Variants in DOCK7 observed in about 807,000 individuals in gnomAD.
The protein encoded by DOCK7 is dedicator of cytokinesis protein 7.
A neutral mutation model predicts 271.0 loss-of-function variants in DOCK7; 138 were observed. The ratio of observed to expected loss-of-function variants is 0.51; its 90% CI spans 0.44 to 0.59. The LOEUF (loss-of-function observed/expected upper bound fraction) is 0.59. DOCK7 is among the 20% of genes least tolerant of loss of function. The pLI is 0.00. For missense variants in DOCK7, 2,066 were observed against 2,592.4 expected (o/e 0.80, Z 4.41); for synonymous variants, 823 against 876.1 (o/e 0.94, Z 1.07).
intron 15 of DOCK7, chr1:62,584,554 C>A: frequency 8.6e-7 from 1 of 1,166,322 alleles, no homozygotes; most frequent in Non-Finnish European, 1.1e-6. Flanking sequence ...GAGAAGCTAT[C>A]ACTTTTCACA....
chr1:62,596,706 G>A (rs980517317), intron 14 of DOCK7, among the ~76,000 whole-genome samples: 1 of 151,930 alleles, frequency 6.6e-6, no homozygotes, highest in Admixed American at 6.6e-5. Context: ...TTGTTACTAA[G>A]CTAACAAACT....
intron 4 of DOCK7, among the ~76,000 whole-genome samples, chr1:62,652,656 T>C (rs1657529666): frequency 6.6e-6 from 1 of 152,192 alleles, no homozygotes; most frequent in Admixed American, 6.5e-5. Context: ...CAGATTTCCA[T>C]GATTCTGAGG....
At chr1:62,598,046 A>C (rs1260449227) in intron 14 of DOCK7, 2 of 1,586,056 alleles carry the variant, frequency 1.3e-6, no homozygotes, top group Non-Finnish European at 1.7e-6. Context: ...AACACCCAGA[A>C]GTAACTTCAC....
intron 14 of DOCK7, among the ~76,000 whole-genome samples, chr1:62,617,829 T>C (rs978543347): frequency 3.9e-5 from 6 of 152,132 alleles, no homozygotes; most frequent in African/African-American, 4.8e-5. Flanking sequence ...AGACTAGAAT[T>C]TTTAAAAGGT....
In DOCK7 at chr1:62,555,871, A is replaced by G. The variant is rs752977630; in HGVS notation, c.2550T>C (p.His850=). The part of the protein sequence containing the change: ...GRNSLLASYI[H]YVFRLPNTYP... ...AAGTATTTGGTAGGCGGAAAACATA[A>G]TGAATATATGATGCAAGAAGGCTGT... is the stretch of plus-strand genomic sequence containing the variant. The change falls in exon 21 of 50, where the codon CAT becomes CAC. Residue 850 remains histidine (H), a synonymous_variant. Coordinates refer to ENST00000635253, the MANE Select transcript of DOCK7 (RefSeq NM_001367561.1). The G allele has an allele frequency of 1.2e-6, 2 of 1,613,610 alleles. No individual in the cohort carries two copies. Among genetic ancestry groups the G allele is most frequent in the East Asian group, 4.5e-5 (2 of 44,842 alleles).
chr1:62,601,566 T>C (rs866667379), intron 14 of DOCK7, among the ~76,000 whole-genome samples: 6 of 151,744 alleles, frequency 4.0e-5, no homozygotes, highest in Admixed American at 6.6e-5. Flanking sequence ...AAAAAATAAT[T>C]AATTTTTTAA....
chr1:62,680,612 C>T (rs559508932), intron 1 of DOCK7, among the ~76,000 whole-genome samples: 62 of 151,990 alleles, frequency 4.1e-4, no homozygotes, highest in African/African-American at 7.7e-4. Context: ...ACCTACAAAA[C>T]GGGAGAAAAT....
At chr1:62,666,466 ACAAGAACCATTTC>A (rs1456457206) in intron 1 of DOCK7, among the ~76,000 whole-genome samples, 1 of 152,236 alleles carries the variant, frequency 6.6e-6, no homozygotes, top group Non-Finnish European at 1.5e-5. Context: ...TGATAATGCA[ACAAGAACCATTTC>A]CAAACTGAGC....
chr1:62,472,397 C>T (rs1390440572), intron 48 of DOCK7, among the ~76,000 whole-genome samples: 3 of 152,070 alleles, frequency 2.0e-5, no homozygotes, highest in South Asian at 2.1e-4. Flanking sequence ...GAGCCACTCA[C>T]GCCCCACCTG....
Position 62,519,776 on chromosome 1 carries a change from A to T in DOCK7, c.3937-5878T>A, listed in dbSNP as rs112290065. On this transcript the variant is annotated intron_variant, in intron 31 of 49. Transcript: ENST00000635253. ...TGAATAAATAAGATACACATTTTTT[A>T]AAAAAAATGCCTGTATAGCCAAGAC... Among the ~76,000 whole-genome samples the T allele has an allele frequency of 3.8e-3, 573 of 152,004 alleles. 2 individuals carry two copies. The highest frequency in any genetic ancestry group is 6.8e-3 in the East Asian group (35 of 5,132).
At position 62,561,703 on chromosome 1, in the gene DOCK7, C is replaced by A. The variant is rs1360070798; in HGVS notation, c.2113G>T (p.Val705Phe). ...PQAYSVLSPE[V>F]PLPGMKWVDN... ...ACCCATTTCATGCCAGGTAGAGGAACCTGTAAGATATTAAATATAATGATC... is the reference window on the plus strand; with the variant it reads ...ACCCATTTCATGCCAGGTAGAGGAAACTGTAAGATATTAAATATAATGATC... The change falls in exon 19 of 50, where the codon GTT becomes TTT. Residue 705 changes from valine (V) to phenylalanine (F), a missense_variant and splice_region_variant. Val to Phe is a conservative substitution (Grantham distance 50). Transcript: ENST00000635253. The A allele has an allele frequency of 1.3e-6, 2 of 1,543,874 alleles. No homozygotes were observed. The highest frequency in any genetic ancestry group is 2.4e-5 in the East Asian group (1 of 41,470).
intron 14 of DOCK7, among the ~76,000 whole-genome samples, chr1:62,613,956 A>C (rs910432098): frequency 6.6e-6 from 1 of 152,168 alleles, no homozygotes; most frequent in Non-Finnish European, 1.5e-5. Flanking sequence ...GGCTGCTATC[A>C]GAGTTAATAG....
chr1:62,642,276 T>C (rs1169361975), intron 7 of DOCK7, among the ~76,000 whole-genome samples: 1 of 151,922 alleles, frequency 6.6e-6, no homozygotes, highest in Non-Finnish European at 1.5e-5. Flanking sequence ...GCCCGGCTAA[T>C]TTTTTGTATT....
At chr1:62,499,644 C>G (rs1646722181) in intron 37 of DOCK7, among the ~76,000 whole-genome samples, 3 of 151,908 alleles carry the variant, frequency 2.0e-5, no homozygotes, top group Non-Finnish European at 4.4e-5. Context: ...GAGGCCAAGA[C>G]AGGAGAGCTG....
chr1:62,461,519 A>C (rs906745758), intron 48 of DOCK7, among the ~76,000 whole-genome samples: 1 of 151,262 alleles, frequency 6.6e-6, no homozygotes, highest in Non-Finnish European at 1.5e-5. Flanking sequence ...TGTCACTATA[A>C]AATTAGGTAT....
At chr1:62,599,102 G>A (rs1649733969) in intron 14 of DOCK7, among the ~76,000 whole-genome samples, 1 of 151,906 alleles carries the variant, frequency 6.6e-6, no homozygotes, top group Non-Finnish European at 1.5e-5. Context: ...TTAATTCATA[G>A]CAGCCAATGT....
intron 18 of DOCK7, among the ~76,000 whole-genome samples, chr1:62,568,881 T>C (rs62504181): frequency 6.8e-6 from 1 of 147,686 alleles, no homozygotes; most frequent in Non-Finnish European, 1.5e-5. Flanking sequence ...AAGAATCAAA[T>C]AGACACAATA....
intron 14 of DOCK7, chr1:62,601,325 G>A: frequency 1.4e-6 from 1 of 694,820 alleles, no homozygotes; most frequent in South Asian, 1.7e-5. Flanking sequence ...TAAACTGGAT[G>A]CTGGGGTTCT....
At chr1:62,535,385 G>C (rs952778373) in intron 29 of DOCK7, 108 bp downstream of exon 29, 17 of 872,898 alleles carry the variant, frequency 1.9e-5, no homozygotes, top group South Asian at 4.7e-5. Context: ...AGTAGAAAAA[G>C]AGTGTGAAAG....
Sources: allele counts gnomAD v4.1 joint callset (sites outside exome capture counted in the v4.1 genomes callset), GRCh38; gene constraint gnomAD v4.1.1; transcripts MANE v1.5; gene names NCBI Gene and HGNC (gene_info 2026-07-23, HGNC 2026-07-21).